SNX9: variants seen among roughly 807,000 people sequenced by gnomAD.
SNX9 encodes the protein sorting nexin 9, also known as sorting nexin-9.
A neutral mutation model predicts 89.4 loss-of-function variants in SNX9; 44 were observed. That is an observed-to-expected ratio of 0.49 (90% confidence interval 0.39 to 0.63). The LOEUF (loss-of-function observed/expected upper bound fraction) is 0.63. SNX9 is among the 30% of genes least tolerant of loss of function. SNX9 has a pLI of 0.00. For missense variants in SNX9, 578 were observed against 736.1 expected (o/e 0.79, Z 2.49); for synonymous variants, 236 against 247.8 (o/e 0.95, Z 0.45).
At chr6:157,906,341 T>C in intron 7 of SNX9, 129 bp downstream of exon 7, 1 of 660,228 alleles carries the variant, frequency 1.5e-6, no homozygotes, top group Non-Finnish European at 2.5e-6. Context: ...ACATAACTGA[T>C]AATATATGTT....
chr6:157,934,721 TA>T (rs1334694621), intron 13 of SNX9, among the ~76,000 whole-genome samples: 1 of 152,186 alleles, frequency 6.6e-6, no homozygotes. Context: ...TAAAAAGTTT[TA>T]AAATAAATGA....
chr6:157,942,895 A>G lies in SNX9; in HGVS notation c.*57A>G, dbSNP rs945816014. Reference sequence around the variant, plus strand: ...GCTTTCTCCTGACTTGGGGCAATGCAATTCAAAACTTTTTTTCCCCTATTA... The same window carrying G: ...GCTTTCTCCTGACTTGGGGCAATGCGATTCAAAACTTTTTTTCCCCTATTA... On this transcript the variant is annotated 3_prime_UTR_variant, in exon 18 of 18. Coordinates refer to ENST00000392185, the MANE Select transcript of SNX9 (RefSeq NM_016224.5). 3.3e-6 allele frequency: 5 copies of G among 1,517,032 alleles called. No individual in the cohort carries two copies. In the Admixed American group the frequency reaches 6.6e-5, roughly 20 times the overall value. The allele number at this position is 1,517,032 out of a possible 1,614,324, so 94.0% of individuals were successfully genotyped here.
chr6:157,940,851 A>G (rs773819860), intron 16 of SNX9, 32 bp from the exon 17 acceptor site: 16 of 1,600,552 alleles, frequency 1.0e-5, no homozygotes, highest in African/African-American at 1.3e-5. Context: ...AACTTGAGGG[A>G]AAACTGATTG....
chr6:157,841,081 A>T (rs1345851608), intron 1 of SNX9, among the ~76,000 whole-genome samples: 1 of 152,206 alleles, frequency 6.6e-6, no homozygotes, highest in Non-Finnish European at 1.5e-5. Context: ...TGAGAGCAGC[A>T]GTAGAAGAAA....
At chr6:157,883,124 C>A (rs1480140922) in intron 4 of SNX9, among the ~76,000 whole-genome samples, 1 of 151,704 alleles carries the variant, frequency 6.6e-6, no homozygotes, top group Non-Finnish European at 1.5e-5. Flanking sequence ...CAAAACAAGA[C>A]CCCCCCGCCA....
chr6:157,862,201 C>T (rs1583204539), intron 1 of SNX9, among the ~76,000 whole-genome samples: 1 of 152,284 alleles, frequency 6.6e-6, no homozygotes. Context: ...AGCATTTATG[C>T]CTTCACCATT....
intron 1 of SNX9, among the ~76,000 whole-genome samples, chr6:157,827,835 A>G (rs965902206): frequency 2.0e-5 from 3 of 150,278 alleles, no homozygotes; most frequent in African/African-American, 4.9e-5. Flanking sequence ...TAGGCTAACT[A>G]TAACAAGATT....
At chr6:157,935,847 G>T (rs1207622636) in intron 13 of SNX9, 117 bp from the exon 14 acceptor site, 2 of 746,614 alleles carry the variant, frequency 2.7e-6, no homozygotes, top group African/African-American at 3.7e-5. Flanking sequence ...CAATAGTTTT[G>T]AAAATGTTTG....
chr6:157,824,377 C>G (rs1204917517), intron 1 of SNX9, among the ~76,000 whole-genome samples: 1 of 152,190 alleles, frequency 6.6e-6, no homozygotes, highest in Non-Finnish European at 1.5e-5. Context: ...GAGCCATTAA[C>G]TGATCTGTGA....
intron 1 of SNX9, among the ~76,000 whole-genome samples, chr6:157,839,915 G>C (rs901209815): frequency 6.6e-6 from 1 of 152,176 alleles, no homozygotes; most frequent in Non-Finnish European, 1.5e-5. Context: ...AGACCTTTCT[G>C]TCTTAATGTG....
At chr6:157,891,549 C>A (rs1302461430) in intron 4 of SNX9, among the ~76,000 whole-genome samples, 1 of 152,172 alleles carries the variant, frequency 6.6e-6, no homozygotes, top group Non-Finnish European at 1.5e-5. Context: ...ATATTTCATA[C>A]AAATGATCAA....
Position 157,932,182 on chromosome 6 carries a change from T to G in SNX9, c.1289-13T>G. 6.2e-7 allele frequency: 1 copy of G among 1,612,840 alleles called. No individual in the cohort carries two copies. The highest frequency in any genetic ancestry group is 8.5e-7 in the Non-Finnish European group (1 of 1,178,774). On this transcript the variant is annotated splice_polypyrimidine_tract_variant and intron_variant, in intron 12 of 17. Coordinates refer to ENST00000392185, the MANE Select transcript of SNX9 (RefSeq NM_016224.5). ...CTCAGAAGACTAATCGTTTATTCCTTTTTGTCTTTCAGCATTACCCAAGGA... is the reference window on the plus strand; with the variant it reads ...CTCAGAAGACTAATCGTTTATTCCTGTTTGTCTTTCAGCATTACCCAAGGA...
rs140340603 is a variant in SNX9, at chr6:157,876,585, A to AT, written c.300+1412dup. Among the ~76,000 whole-genome samples, 1,059 of 152,354 alleles carry AT rather than the reference A, an allele frequency of 7.0e-3. 13 individuals are homozygous for AT. The highest frequency in any genetic ancestry group is 0.024 in the African/African-American group (1,011 of 41,576). ...TACAAATTAGACTCAGATATTTAAA[A>AT]TTTGCAGGCAAGGTGATTGATCACT... On this transcript the variant is annotated intron_variant, in intron 4 of 17. Coordinates refer to ENST00000392185, the MANE Select transcript of SNX9 (RefSeq NM_016224.5).
chr6:157,928,794 G>T, intron 12 of SNX9, 92 bp downstream of exon 12: 1 of 944,798 alleles, frequency 1.1e-6, no homozygotes, highest in South Asian at 1.9e-5. Context: ...CTGCTGCCTC[G>T]AACAGAAGTG....
chr6:157,823,365 C>T lies in SNX9; in HGVS notation c.-70C>T. Reference sequence around the variant, plus strand: ...CCGCCCTCGCCCTTGCCTTTGCCTGCGCGGCTCAGAATCACCATCCGCGGC... The same window carrying T: ...CCGCCCTCGCCCTTGCCTTTGCCTGTGCGGCTCAGAATCACCATCCGCGGC... On this transcript the variant is annotated 5_prime_UTR_variant, in exon 1 of 18. Transcript: ENST00000392185. This position sits in a 1 kb window ranked among gnomAD's most constrained non-coding sequence, Gnocchi z 4.6. The T allele has an allele frequency of 1.6e-6, 2 of 1,259,896 alleles. No individual in the cohort carries two copies. The highest frequency in any genetic ancestry group is 2.0e-6 in the Non-Finnish European group (2 of 993,216). The allele number at this position is 1,259,896 out of a possible 1,614,324, so 78.0% of individuals were successfully genotyped here. A position where few individuals can be genotyped will look rare whatever the true frequency, so the allele number is the denominator to read the frequency against.
chr6:157,851,440 G>T (rs1201004567), intron 1 of SNX9, among the ~76,000 whole-genome samples: 1 of 151,976 alleles, frequency 6.6e-6, no homozygotes, highest in Admixed American at 6.6e-5. Context: ...ACTATTTCTA[G>T]AACTTTTTTC....
At chr6:157,923,151 G>A (rs554964192) in intron 10 of SNX9, among the ~76,000 whole-genome samples, 1 of 152,166 alleles carries the variant, frequency 6.6e-6, no homozygotes, top group South Asian at 2.1e-4. Context: ...TTGGAGTCAG[G>A]GCCCTTGAGT....
Position 157,823,419 on chromosome 6 carries a change from G to A in SNX9, c.-16G>A, listed in dbSNP as rs1190678436. The A allele has an allele frequency of 2.4e-6, 3 of 1,251,506 alleles. No individual in the cohort carries two copies. Among genetic ancestry groups the A allele is most frequent in the East Asian group, 3.8e-5 (1 of 26,600 alleles). The allele number at this position is 1,251,506 out of a possible 1,614,324, so 77.5% of individuals were successfully genotyped here. On this transcript the variant is annotated 5_prime_UTR_variant, in exon 1 of 18. Transcript: ENST00000392185. This position sits in a 1 kb window ranked among gnomAD's most constrained non-coding sequence, Gnocchi z 4.6. ...GGAGACGAGCCGGCCGTCCCGGGCC[G>A]GGGGACCCGCCCGCCATGGCCACCA...
intron 1 of SNX9, among the ~76,000 whole-genome samples, chr6:157,851,206 C>T (rs1167805585): frequency 2.0e-5 from 3 of 149,646 alleles, no homozygotes; most frequent in Admixed American, 6.7e-5. Context: ...TACAGTGAGC[C>T]GAGATCAAGC....
Sources: gnomAD v4.1 joint callset for allele counts (sites outside exome capture counted in the v4.1 genomes callset) on GRCh38, gnomAD v4.1.1 for gene constraint, Gnocchi (gnomAD v3.1) non-coding constraint, MANE v1.5 for transcripts, NCBI Gene and HGNC (gene_info 2026-07-23, HGNC 2026-07-21) for gene names.